Variants in TCERG1 observed in about 807,000 individuals in gnomAD.
The protein encoded by TCERG1 is transcription elongation regulator 1.
Under a neutral mutation model 144.7 loss-of-function variants are expected in TCERG1, and 37 were observed. The observed-to-expected ratio is 0.26, with a 90% CI of 0.20 to 0.34. The LOEUF (loss-of-function observed/expected upper bound fraction) is 0.34. TCERG1 is among the 10% of genes least tolerant of loss of function. The pLI, the probability that TCERG1 is intolerant of heterozygous loss-of-function variation, is 1.00. For synonymous variants in TCERG1, 492 were observed against 458.2 expected (o/e 1.07, Z -0.94); for missense variants, 1,027 against 1,380.7 (o/e 0.74, Z 4.06).
intron 1 of TCERG1, among the ~76,000 whole-genome samples, chr5:146,448,582 A>G (rs1205089763): frequency 6.6e-6 from 1 of 152,234 alleles, no homozygotes; most frequent in Non-Finnish European, 1.5e-5. Flanking sequence ...CTCTGTTGAT[A>G]CTGTCTTGAA....
At position 146,470,661 on chromosome 5, in the gene TCERG1, G is replaced by A. The variant is rs1764205861; in HGVS notation, c.1425G>A (p.Glu475=). ...EKEKLEEKIK[E]PIKEPSEEPL... ...AAAAGTTAGAAGAGAAGATTAAAGA[G>A]CCAATTAAAGAACCCTCTGAAGAGC... Residue 475 remains glutamate (E), a synonymous_variant, in exon 8 of 23, where the codon GAG becomes GAA. Transcript: ENST00000679501. 1 of 1,608,386 alleles carries A rather than the reference G, an allele frequency of 6.2e-7. No homozygotes were observed.
intron 17 of TCERG1, among the ~76,000 whole-genome samples, chr5:146,501,887 CTTTTTTTTT>C (rs70998087): frequency 2.7e-5 from 2 of 73,416 alleles, no homozygotes; most frequent in East Asian, 3.2e-4. Flanking sequence ...ATCAACTTCA[CTTTTTTTTT>C]TTTTTTTTTT....
intron 16 of TCERG1, among the ~76,000 whole-genome samples, chr5:146,495,383 A>G (rs552663850): frequency 6.6e-6 from 1 of 152,322 alleles, no homozygotes; most frequent in Admixed American, 6.5e-5. Context: ...TTCTATCTTA[A>G]AATTATAAAC....
chr5:146,506,974 A>G (rs1768060028), intron 19 of TCERG1, 54 bp from the exon 20 acceptor site: 1 of 1,444,274 alleles, frequency 6.9e-7, no homozygotes, highest in Non-Finnish European at 9.2e-7. Context: ...GGAAGTGCAA[A>G]TGGACATTCA....
intron 1 of TCERG1, among the ~76,000 whole-genome samples, chr5:146,448,578 T>A (rs567059485): frequency 6.6e-6 from 1 of 152,382 alleles, no homozygotes; most frequent in African/African-American, 2.4e-5. Context: ...AAGACTCTGT[T>A]GATACTGTCT....
At chr5:146,486,358 T>G (rs1280183697) in intron 15 of TCERG1, among the ~76,000 whole-genome samples, 2 of 152,238 alleles carry the variant, frequency 1.3e-5, no homozygotes, top group African/African-American at 4.8e-5. Context: ...AAATTTTAAC[T>G]TAGAATTTTC....
At chr5:146,451,787 T>TA (rs1177705187) in intron 1 of TCERG1, among the ~76,000 whole-genome samples, 7 of 149,328 alleles carry the variant, frequency 4.7e-5, no homozygotes, top group East Asian at 2.0e-4. Context: ...TTTTTTTTTT[T>TA]AATTTTTTAA....
chr5:146,510,729 C>G lies in TCERG1; in HGVS notation c.*87C>G. 1 of 1,287,036 alleles carries G rather than the reference C, an allele frequency of 7.8e-7. No individual in the cohort carries two copies. The highest frequency in any genetic ancestry group is 1.6e-5 in the South Asian group (1 of 64,110). 79.7% of individuals were successfully genotyped at this position (1,287,036 alleles called of 1,614,324 possible). The stretch of plus-strand genomic sequence containing the variant: ...TTTTACATATATGTGCATTAGTCAA[C>G]CTATTGCGAAACCATCTGACAAACA... On this transcript the variant is annotated 3_prime_UTR_variant, in exon 23 of 23. Coordinates refer to ENST00000679501, the MANE Select transcript of TCERG1 (RefSeq NM_001382548.1).
intron 16 of TCERG1, among the ~76,000 whole-genome samples, chr5:146,494,960 A>G (rs1254325344): frequency 6.6e-6 from 1 of 152,214 alleles, no homozygotes; most frequent in Non-Finnish European, 1.5e-5. Context: ...CAGTTAAGAA[A>G]TAAGTCATAT....
In TCERG1 at chr5:146,483,577, A is replaced by G; in HGVS notation, c.2111A>G (p.Lys704Arg). 2.5e-6 allele frequency: 4 copies of G among 1,612,928 alleles called. No individual in the cohort carries two copies. The highest frequency in any genetic ancestry group is 3.4e-6 in the Non-Finnish European group (4 of 1,179,310). The change falls in exon 15 of 23, where the codon AAG (lysine) becomes AGG (arginine). Residue 704 changes from lysine (K) to arginine (R), a missense_variant. By Grantham distance (26) the Lys-to-Arg change is conservative. This residue lies in a region of TCERG1 where 482 missense variants were observed against 632.6 expected (regional missense o/e 0.76). Transcript: ENST00000679501. ...AFSTWEKELH[K>R]IVFDPRYLLL... The stretch of plus-strand genomic sequence containing the variant: ...TCAACGTGGGAGAAGGAGTTGCACA[A>G]GATAGTTTTTGATCCCCGGTACTTA...
At position 146,455,213 on chromosome 5, in the gene TCERG1, G is replaced by C. The variant is rs1256770872; in HGVS notation, c.217G>C (p.Asp73His). The C allele has an allele frequency of 6.2e-7, 1 of 1,614,138 alleles. No individual in the cohort carries two copies. The highest frequency in any genetic ancestry group is 8.5e-7 in the Non-Finnish European group (1 of 1,180,018). ...PRPPFGRPPF[D>H]PNMPPMPPPG... ...GCCGCCCTTTGGACGTCCTCCTTTTGATCCTAATATGCCGCCAATGCCTCC... is the reference window on the plus strand; with the variant it reads ...GCCGCCCTTTGGACGTCCTCCTTTTCATCCTAATATGCCGCCAATGCCTCC... The change falls in exon 2 of 23, where the codon GAT (aspartate) becomes CAT (histidine). Residue 73 changes from aspartate (D) to histidine (H), a missense_variant. By Grantham distance (81) the Asp-to-His change is moderately conservative. This residue lies in a region of TCERG1 where 175 missense variants were observed against 197.0 expected (regional missense o/e 0.89). Coordinates refer to ENST00000679501, the MANE Select transcript of TCERG1 (RefSeq NM_001382548.1).
intron 15 of TCERG1, among the ~76,000 whole-genome samples, chr5:146,487,010 A>C (rs1765900731): frequency 6.6e-6 from 1 of 152,170 alleles, no homozygotes; most frequent in African/African-American, 2.4e-5. Flanking sequence ...GAATTGCTTG[A>C]ATCCAGGAAG....
At chr5:146,449,249 T>C (rs539922508) in intron 1 of TCERG1, among the ~76,000 whole-genome samples, 2 of 152,200 alleles carry the variant, frequency 1.3e-5, no homozygotes, top group African/African-American at 2.4e-5. Context: ...TAAATGAAGA[T>C]AGGAGATTTA....
At chr5:146,505,102 AAAAG>A (rs1561706792) in intron 19 of TCERG1, among the ~76,000 whole-genome samples, 1 of 151,942 alleles carries the variant, frequency 6.6e-6, no homozygotes, top group African/African-American at 2.4e-5. Flanking sequence ...AAAAAAAAAA[AAAAG>A]GACAAAAACA....
Position 146,463,596 on chromosome 5 carries a change from C to T in TCERG1, c.938C>T (p.Ala313Val). ...DQTPSSAVSV[A>V]TPTVSVSTPA... ...ACCCCAAGTTCTGCTGTTTCAGTTGCCACGCCTACAGTTAGTGTTTCAACT... is the reference window on the plus strand; with the variant it reads ...ACCCCAAGTTCTGCTGTTTCAGTTGTCACGCCTACAGTTAGTGTTTCAACT... Residue 313 changes from alanine (A) to valine (V), a missense_variant, in exon 5 of 23, where the codon GCC (alanine) becomes GTC (valine). Ala to Val is a moderately conservative substitution (Grantham distance 64). Coordinates refer to ENST00000679501, the MANE Select transcript of TCERG1 (RefSeq NM_001382548.1). 1.2e-6 allele frequency: 2 copies of T among 1,614,214 alleles called. No individual in the cohort carries two copies. The highest frequency in any genetic ancestry group is 2.2e-5 in the East Asian group (1 of 44,892).
intron 13 of TCERG1, chr5:146,481,779 T>A (rs1220473836): frequency 6.6e-6 from 1 of 152,186 alleles, no homozygotes. Context: ...TGAATGGGCC[T>A]TTTTCATAGT....
Position 146,492,975 on chromosome 5 carries a change from A to C in TCERG1, c.2219A>C (p.Asn740Thr), listed in dbSNP as rs766590549. The change falls in exon 16 of 23, where the codon AAT (asparagine) becomes ACT (threonine). Residue 740 changes from asparagine (N) to threonine (T), a missense_variant. By Grantham distance (65) the Asn-to-Thr change is moderately conservative. Coordinates refer to ENST00000679501, the MANE Select transcript of TCERG1 (RefSeq NM_001382548.1). ...RAEEERREKK[N>T]KIMQAKEDFK... ...GAGGAAGAACGCAGGGAAAAGAAAA[A>C]TAAAATAATGCAAGCCAAGGAAGAT... 6.2e-7 allele frequency: 1 copy of C among 1,608,584 alleles called. No individual in the cohort carries two copies. The highest frequency in any genetic ancestry group is 8.5e-7 in the Non-Finnish European group (1 of 1,178,002).
At chr5:146,498,466 T>C in intron 16 of TCERG1, 70 bp from the exon 17 acceptor site, 1 of 1,477,870 alleles carries the variant, frequency 6.8e-7, no homozygotes, top group Non-Finnish European at 9.1e-7. Context: ...GGAAAAATGG[T>C]ATCTTCTGCT....
intron 1 of TCERG1, among the ~76,000 whole-genome samples, chr5:146,450,537 A>G (rs1426298076): frequency 1.3e-5 from 2 of 152,226 alleles, no homozygotes; most frequent in African/African-American, 2.4e-5. Flanking sequence ...TTACAGAAAC[A>G]GTAATGATAG....
Sources: allele counts gnomAD v4.1 joint callset (sites outside exome capture counted in the v4.1 genomes callset), GRCh38; gene constraint gnomAD v4.1.1; regional missense constraint gnomAD v4.1.1; transcripts MANE v1.5; gene names NCBI Gene and HGNC (gene_info 2026-07-23, HGNC 2026-07-21).